The following CDH2 variants were observed in gnomAD, a reference collection of about 807,000 sequenced individuals.
CDH2 encodes cadherin-2.
A neutral mutation model predicts 92.0 loss-of-function variants in CDH2; 17 were observed. The observed-to-expected ratio is 0.18, with a 90% CI of 0.13 to 0.28. The LOEUF (loss-of-function observed/expected upper bound fraction) is 0.28, where lower values mean the gene tolerates loss of function less well. CDH2 is among the 10% of genes least tolerant of loss of function. The probability of loss-of-function intolerance (pLI) is 1.00; values close to 1 mark genes in which losing one functional copy is unlikely to be tolerated. For synonymous variants in CDH2, 419 were observed against 415.9 expected (o/e 1.01, Z -0.09); for missense variants, 862 against 1,133.1 (o/e 0.76, Z 3.44).
chr18:28,118,013 A>T (rs2015523840), intron 2 of CDH2, among the ~76,000 whole-genome samples: 1 of 152,078 alleles, frequency 6.6e-6, no homozygotes, highest in Admixed American at 6.6e-5. Context: ...AAGAGCAGTG[A>T]TGTTCCATCT....
chr18:28,004,198 T>C (rs2144013350), intron 6 of CDH2, among the ~76,000 whole-genome samples: 1 of 152,314 alleles, frequency 6.6e-6, no homozygotes, highest in South Asian at 2.1e-4. Context: ...TTTATTTCTC[T>C]CCCCTACTAC....
intron 2 of CDH2, among the ~76,000 whole-genome samples, chr18:28,145,191 C>T (rs1461711692): frequency 6.6e-6 from 1 of 151,998 alleles, no homozygotes; most frequent in Non-Finnish European, 1.5e-5. Flanking sequence ...ACTGGTGAGC[C>T]ATTGTCATCC....
intron 5 of CDH2, among the ~76,000 whole-genome samples, chr18:28,007,551 C>T (rs1429663367): frequency 6.6e-6 from 1 of 152,020 alleles, no homozygotes; most frequent in Non-Finnish European, 1.5e-5. Context: ...TTAATACTGC[C>T]ATTCAATACC....
intron 5 of CDH2, among the ~76,000 whole-genome samples, chr18:28,007,165 A>AAAATATAT (rs1172779200): frequency 1.9e-3 from 211 of 110,444 alleles, no homozygotes; most frequent in Non-Finnish European, 3.0e-3. Flanking sequence ...ATAAAAAAAA[A>AAAATATAT]ATATATATAT....
At chr18:28,011,806 G>C (rs1359687907) in intron 4 of CDH2, 40 bp downstream of exon 4, 3 of 1,588,082 alleles carry the variant, frequency 1.9e-6, no homozygotes, top group African/African-American at 2.7e-5. Context: ...ACATACATTT[G>C]TCTTGTGGTA....
At chr18:28,041,324 T>C (rs2013943651) in intron 2 of CDH2, among the ~76,000 whole-genome samples, 2 of 152,244 alleles carry the variant, frequency 1.3e-5, no homozygotes, top group South Asian at 4.1e-4. Flanking sequence ...GGACCAGGGC[T>C]ACATAAATGT....
intron 15 of CDH2, chr18:27,959,670 T>C (rs2011345746): frequency 6.6e-6 from 1 of 152,184 alleles, no homozygotes; most frequent in African/African-American, 2.4e-5. Flanking sequence ...TGACTTACAT[T>C]AGACTTTCAT....
chr18:28,152,191 G>T (rs926739259), intron 1 of CDH2, among the ~76,000 whole-genome samples: 1 of 152,092 alleles, frequency 6.6e-6, no homozygotes, highest in African/African-American at 2.4e-5. Context: ...TCTGCATTTT[G>T]CTAATGAGCA....
intron 14 of CDH2, 144 bp from the exon 15 acceptor site, chr18:27,963,665 T>C: frequency 1.6e-6 from 1 of 637,608 alleles, no homozygotes; most frequent in Admixed American, 2.9e-5. Flanking sequence ...GAGTTTTTCA[T>C]GTTATGATTA....
intron 14 of CDH2, among the ~76,000 whole-genome samples, chr18:27,966,113 T>C (rs944164103): frequency 1.3e-5 from 2 of 150,372 alleles, no homozygotes; most frequent in East Asian, 3.9e-4. Flanking sequence ...CACAACAGAG[T>C]GGGGTGAACT....
intron 2 of CDH2, among the ~76,000 whole-genome samples, chr18:28,054,909 T>C (rs1442599010): frequency 6.6e-6 from 1 of 152,212 alleles, no homozygotes; most frequent in Non-Finnish European, 1.5e-5. Flanking sequence ...CAGCTGGTTA[T>C]TTCAAGACCC....
At position 28,124,716 on chromosome 18, in the gene CDH2, A is replaced by C. The variant is rs182974442; in HGVS notation, c.172+22957T>G. On this transcript the variant is annotated intron_variant, in intron 2 of 15. Coordinates refer to ENST00000269141, the MANE Select transcript of CDH2 (RefSeq NM_001792.5). ...AACTCTTTTCAACTTAAAACAAATA[A>C]AGTAATTGTTTCCAGTCAAGAGGGA... Among the ~76,000 whole-genome samples, 159 of 152,314 alleles carry C rather than the reference A, an allele frequency of 1.0e-3. 1 individual carries two copies. The highest frequency in any genetic ancestry group is 1.5e-3 in the Non-Finnish European group (105 of 68,026).
chr18:27,970,128 C>T (rs1259658157), intron 14 of CDH2, among the ~76,000 whole-genome samples: 1 of 152,114 alleles, frequency 6.6e-6, no homozygotes, highest in East Asian at 1.9e-4. Flanking sequence ...TGCAGATATG[C>T]AGAGGAACAG....
chr18:27,944,066 A>G (rs1909208184), intron 6 of CDH2, among the ~76,000 whole-genome samples: 1 of 152,218 alleles, frequency 6.6e-6, no homozygotes, highest in Non-Finnish European at 1.5e-5. Flanking sequence ...TCTGAATATA[A>G]AAGCGATTTA....
At chr18:28,153,719 C>A (rs569884430) in intron 1 of CDH2, among the ~76,000 whole-genome samples, 44 of 152,154 alleles carry the variant, frequency 2.9e-4, no homozygotes, top group Non-Finnish European at 5.3e-4. Context: ...CTAAAGACAG[C>A]ACCAACTCAT....
chr18:27,986,817 T>G (rs777860015), intron 11 of CDH2, among the ~76,000 whole-genome samples: 1 of 152,192 alleles, frequency 6.6e-6, no homozygotes, highest in Non-Finnish European at 1.5e-5. Context: ...ATGACCACTA[T>G]GATACTCAAC....
intron 14 of CDH2, among the ~76,000 whole-genome samples, chr18:27,977,867 TA>T (rs1032555552): frequency 2.0e-5 from 3 of 151,014 alleles, no homozygotes; most frequent in African/African-American, 4.9e-5. Flanking sequence ...ACAGGCTCCA[TA>T]AAAAAAAAGC....
chr18:28,169,218 T>C (rs566967843), intron 1 of CDH2, among the ~76,000 whole-genome samples: 50 of 152,236 alleles, frequency 3.3e-4, no homozygotes, highest in African/African-American at 1.2e-3. Context: ...CTCTACTGAG[T>C]TCTGTGAATG....
At chr18:28,121,861 G>C (rs143000637) in intron 2 of CDH2, among the ~76,000 whole-genome samples, 171 of 152,144 alleles carry the variant, frequency 1.1e-3, no homozygotes, top group Middle Eastern at 3.4e-3. Flanking sequence ...AAGTGAGCAG[G>C]GCAGAATGGG....
Sources: allele counts gnomAD v4.1 joint callset (sites outside exome capture counted in the v4.1 genomes callset), GRCh38; gene constraint gnomAD v4.1.1; transcripts MANE v1.5; gene names NCBI Gene and HGNC (gene_info 2026-07-23, HGNC 2026-07-21).